The following RABGAP1L variants were observed in gnomAD, a reference collection of about 807,000 sequenced individuals.
The protein encoded by RABGAP1L is rab GTPase-activating protein 1-like.
In RABGAP1L, 63 loss-of-function variants were observed where a neutral mutation model predicts 137.7. That is an observed-to-expected ratio of 0.46 (90% CI 0.37 to 0.56). The LOEUF (loss-of-function observed/expected upper bound fraction) is 0.56, where lower values mean the gene tolerates loss of function less well. Among genes scored for constraint, RABGAP1L ranks in the 20% least tolerant of loss-of-function variants. RABGAP1L has a pLI of 0.00. For synonymous variants in RABGAP1L, 431 were observed against 433.7 expected (o/e 0.99, Z 0.08); for missense variants, 1,095 against 1,244.0 (o/e 0.88, Z 1.80).
At chr1:174,199,934 T>C (rs887148504) in intron 1 of RABGAP1L, among the ~76,000 whole-genome samples, 12 of 152,218 alleles carry the variant, frequency 7.9e-5, no homozygotes, top group Admixed American at 4.6e-4. Context: ...TTCTCTCTAG[T>C]CATGATTACT....
chr1:174,855,512 C>A (rs1175955066), intron 19 of RABGAP1L, among the ~76,000 whole-genome samples: 2 of 152,160 alleles, frequency 1.3e-5, no homozygotes, highest in Non-Finnish European at 2.9e-5. Context: ...CACTGAATAG[C>A]TATGTGATAC....
At chr1:174,646,124 A>G (rs1293753649) in intron 14 of RABGAP1L, among the ~76,000 whole-genome samples, 1 of 152,112 alleles carries the variant, frequency 6.6e-6, no homozygotes, top group African/African-American at 2.4e-5. Context: ...CCTTGGTCAG[A>G]TGGATAGATT....
intron 19 of RABGAP1L, among the ~76,000 whole-genome samples, chr1:174,858,064 C>T (rs1649614050): frequency 6.6e-6 from 1 of 152,000 alleles, no homozygotes; most frequent in African/African-American, 2.4e-5. Flanking sequence ...CTTTGTAACC[C>T]AGGCTGGGAT....
chr1:174,856,788 G>A (rs971873190), intron 19 of RABGAP1L, among the ~76,000 whole-genome samples: 3 of 151,926 alleles, frequency 2.0e-5, no homozygotes, highest in African/African-American at 4.8e-5. Context: ...TTAGCCGGGC[G>A]TGCTGGTGCG....
chr1:174,762,531 A>G (rs1406253530), intron 18 of RABGAP1L, among the ~76,000 whole-genome samples: 4 of 152,156 alleles, frequency 2.6e-5, no homozygotes, highest in African/African-American at 4.8e-5. Context: ...TAGGACATCT[A>G]TTTGACAGTC....
At chr1:174,618,463 G>A (rs567397641) in intron 13 of RABGAP1L, among the ~76,000 whole-genome samples, 1 of 152,302 alleles carries the variant, frequency 6.6e-6, no homozygotes, top group African/African-American at 2.4e-5. Flanking sequence ...GAATGATCAG[G>A]CAGCAACATT....
At chr1:174,699,767 G>A in intron 16 of RABGAP1L, 117 bp downstream of exon 16, 4 of 1,031,572 alleles carry the variant, frequency 3.9e-6, no homozygotes, top group African/African-American at 1.6e-5. Flanking sequence ...TATAGAAAAT[G>A]TACATGGATT....
intron 13 of RABGAP1L, among the ~76,000 whole-genome samples, chr1:174,598,195 G>T (rs1053501559): frequency 2.6e-5 from 4 of 152,018 alleles, no homozygotes; most frequent in African/African-American, 7.2e-5. Context: ...GGGCATGTTG[G>T]TGCATGCCTG....
At position 174,936,314 on chromosome 1, in the gene RABGAP1L, G is replaced by A. The variant is rs1363215604; in HGVS notation, c.2341-21143G>A. Among the ~76,000 whole-genome samples the A allele has an allele frequency of 2.6e-5, 4 of 151,570 alleles. No individual in the cohort carries two copies. In the East Asian group the frequency reaches 7.8e-4, roughly 30 times the overall value. On this transcript the variant is annotated intron_variant, in intron 19 of 25. Transcript: ENST00000681986. ...AAGACCTGGTCTCTACTAAAAATAA[G>A]AAAATTAGCTGGGAGTGCTGGCATA...
At chr1:174,773,366 G>A (rs1686276216) in intron 18 of RABGAP1L, among the ~76,000 whole-genome samples, 2 of 152,008 alleles carry the variant, frequency 1.3e-5, no homozygotes, top group African/African-American at 4.8e-5. Flanking sequence ...TATCTAAAAA[G>A]TAATAAACAA....
Position 174,831,248 on chromosome 1 carries a change from A to G in RABGAP1L, c.2340+19288A>G, listed in dbSNP as rs2148912591. ...TCTTAAGAAAATAGCACTTGAGAATATTGCAATTAAAGACTAAGAGAGTAC... is the reference window on the plus strand; with the variant it reads ...TCTTAAGAAAATAGCACTTGAGAATGTTGCAATTAAAGACTAAGAGAGTAC... On this transcript the variant is annotated intron_variant, in intron 19 of 25. Transcript: ENST00000681986. Among the ~76,000 whole-genome samples the G allele has an allele frequency of 1.3e-5, 2 of 148,316 alleles. 1 individual carries two copies. The highest frequency in any genetic ancestry group is 3.0e-5 in the Non-Finnish European group (2 of 66,658).
rs191357223 is a variant in RABGAP1L at position 174,583,518 on chromosome 1, C to G, written c.1711-53857C>G. Among the ~76,000 whole-genome samples, 24 of 152,262 alleles carry G rather than the reference C, an allele frequency of 1.6e-4. 1 individual carries two copies. Among genetic ancestry groups the G allele is most frequent in the Admixed American group, 8.5e-4 (13 of 15,286 alleles). On this transcript the variant is annotated intron_variant, in intron 13 of 25. Transcript: ENST00000681986. ...TGAGATGCTATGGTATTCACTATCTCTTTTTTCCTTTTCATTCTGTTATGA... is the reference window on the plus strand; with the variant it reads ...TGAGATGCTATGGTATTCACTATCTGTTTTTTCCTTTTCATTCTGTTATGA...
At chr1:174,567,475 A>G (rs1667664285) in intron 13 of RABGAP1L, among the ~76,000 whole-genome samples, 1 of 152,200 alleles carries the variant, frequency 6.6e-6, no homozygotes, top group Non-Finnish European at 1.5e-5. Context: ...CTGTGATTTA[A>G]TATCTAAATA....
chr1:174,614,311 T>G (rs1026544518), intron 13 of RABGAP1L, among the ~76,000 whole-genome samples: 15 of 152,224 alleles, frequency 9.9e-5, no homozygotes, highest in Non-Finnish European at 2.2e-4. Flanking sequence ...TCTCCTTCAC[T>G]TATGAAACTT....
rs757776661 is a variant in RABGAP1L, at chr1:174,219,323, T to C, written c.138+28T>C. On this transcript the variant is annotated intron_variant, in intron 2 of 25. Transcript: ENST00000681986. ...ATTTTTTTCTTTTCTACATATGGTA[T>C]AATTTTTAATTAAAAACTATTTGAA... 52 of 1,409,350 alleles carry C rather than the reference T, an allele frequency of 3.7e-5. No homozygotes were observed. In the Admixed American group the frequency reaches 1.3e-3, roughly 36 times the overall value. The allele number at this position is 1,409,350 out of a possible 1,614,324, so 87.3% of individuals were successfully genotyped here. A position where few individuals can be genotyped will look rare whatever the true frequency, so the allele number is the denominator to read the frequency against.
At chr1:174,318,687 C>A (rs1679657481) in intron 11 of RABGAP1L, among the ~76,000 whole-genome samples, 1 of 127,520 alleles carries the variant, frequency 7.8e-6, no homozygotes, top group Admixed American at 8.2e-5. Context: ...TTTTAATCTT[C>A]CTTTGTGATT....
chr1:174,576,715 A>G (rs774894944), intron 13 of RABGAP1L, among the ~76,000 whole-genome samples: 4 of 152,338 alleles, frequency 2.6e-5, no homozygotes, highest in Non-Finnish European at 5.9e-5. Flanking sequence ...CACACTGCTG[A>G]AACTGAGCTA....
chr1:174,617,377 C>G (rs976131765), intron 13 of RABGAP1L, among the ~76,000 whole-genome samples: 1 of 152,146 alleles, frequency 6.6e-6, no homozygotes, highest in Non-Finnish European at 1.5e-5. Flanking sequence ...GTAATATTAA[C>G]CAGGCTTTGT....
chr1:174,622,983 AT>A (rs1672652885), intron 13 of RABGAP1L, among the ~76,000 whole-genome samples: 1 of 152,188 alleles, frequency 6.6e-6, no homozygotes, highest in Non-Finnish European at 1.5e-5. Flanking sequence ...AATTTCCAAG[AT>A]CATTTTAATA....
Sources: allele counts gnomAD v4.1 joint callset (sites outside exome capture counted in the v4.1 genomes callset), GRCh38; gene constraint gnomAD v4.1.1; transcripts MANE v1.5; gene names NCBI Gene and HGNC (gene_info 2026-07-23, HGNC 2026-07-21).